Variants in CACNG3 observed in about 807,000 individuals in gnomAD.
CACNG3 encodes the protein voltage-dependent calcium channel gamma-3 subunit.
Under a neutral mutation model 28.5 loss-of-function variants are expected in CACNG3, and 3 were observed. That is an observed-to-expected ratio of 0.11 (90% CI 0.05 to 0.27). CACNG3 has a LOEUF of 0.27. Among genes scored for constraint, CACNG3 ranks in the 10% least tolerant of loss-of-function variants. The pLI, the probability that CACNG3 is intolerant of heterozygous loss-of-function variation, is 1.00. For missense variants in CACNG3, 236 were observed against 414.4 expected, an observed-to-expected ratio of 0.57 and a Z score of 3.74; for synonymous variants, 174 against 162.2, an observed-to-expected ratio of 1.07 and a Z score of -0.55.
At chr16:24,319,432 A>G (rs781022274) in intron 1 of CACNG3, among the ~76,000 whole-genome samples, 5 of 152,066 alleles carry the variant, frequency 3.3e-5, no homozygotes, top group Non-Finnish European at 7.4e-5. Flanking sequence ...TGTGTGTGTA[A>G]GGTTGCAATG....
intron 1 of CACNG3, among the ~76,000 whole-genome samples, chr16:24,291,675 C>G: frequency 6.6e-6 from 1 of 152,132 alleles, no homozygotes; most frequent in East Asian, 1.9e-4. Context: ...TCAAGACCTC[C>G]TTCCCCCACT....
At chr16:24,326,467 G>A (rs548849958) in intron 1 of CACNG3, among the ~76,000 whole-genome samples, 30 of 152,228 alleles carry the variant, frequency 2.0e-4, no homozygotes, top group African/African-American at 6.5e-4. Flanking sequence ...CACCACACCC[G>A]GCCAAAATTT....
chr16:24,354,737 T>C, intron 2 of CACNG3, 96 bp from the exon 3 acceptor site: 1 of 1,252,416 alleles, frequency 8.0e-7, no homozygotes, highest in Non-Finnish European at 1.1e-6. Context: ...GTTCTCTTCC[T>C]GTGCTGCCTT....
intron 1 of CACNG3, among the ~76,000 whole-genome samples, chr16:24,328,784 C>G (rs1339923768): frequency 6.6e-6 from 1 of 152,126 alleles, no homozygotes; most frequent in Non-Finnish European, 1.5e-5. Flanking sequence ...CTCACCAGTG[C>G]ACCCACACAG....
rs1219735535 is a variant in CACNG3 at position 24,346,756 on chromosome 16, G to A, written c.234G>A (p.Lys78=). Residue 78 remains lysine (K), a synonymous_variant, in exon 2 of 4, where the codon AAG becomes AAA. Coordinates refer to ENST00000005284, the MANE Select transcript of CACNG3 (RefSeq NM_006539.4). ...CAGGGGCTTTCCGAGGCGTGTGCAA[G>A]AAAATCGATCACTTCCCTGAAGATG... ...CLEGAFRGVC[K]KIDHFPEDAD... The A allele has an allele frequency of 3.7e-6, 6 of 1,614,116 alleles. No individual in the cohort carries two copies. The highest frequency in any genetic ancestry group is 2.2e-5 in the East Asian group (1 of 44,868).
chr16:24,291,793 G>A (rs1898971563), intron 1 of CACNG3, among the ~76,000 whole-genome samples: 1 of 152,128 alleles, frequency 6.6e-6, no homozygotes, highest in African/African-American at 2.4e-5. Context: ...GTGTATGGCT[G>A]GGATAAGGAT....
chr16:24,285,401 C>T (rs567969416), intron 1 of CACNG3, among the ~76,000 whole-genome samples: 8 of 152,288 alleles, frequency 5.3e-5, no homozygotes, highest in African/African-American at 1.4e-4. Context: ...AATAATACCC[C>T]CTACTCTATT....
At chr16:24,332,507 G>T (rs1199113247) in intron 1 of CACNG3, among the ~76,000 whole-genome samples, 1 of 151,638 alleles carries the variant, frequency 6.6e-6, no homozygotes, top group Non-Finnish European at 1.5e-5. Flanking sequence ...ATCAGGATGT[G>T]CATCAACCAC....
chr16:24,342,210 G>T (rs1279717167), intron 1 of CACNG3, among the ~76,000 whole-genome samples: 1 of 152,146 alleles, frequency 6.6e-6, no homozygotes, highest in Non-Finnish European at 1.5e-5. Context: ...GGAGGTTGCA[G>T]TAAGCTAAGA....
chr16:24,334,098 A>G (rs1438291825), intron 1 of CACNG3, among the ~76,000 whole-genome samples: 2 of 152,238 alleles, frequency 1.3e-5, no homozygotes, highest in Non-Finnish European at 2.9e-5. Context: ...CAGGAAGCAT[A>G]AACACAAATG....
Position 24,361,800 on chromosome 16 carries a change from A to G in CACNG3, c.885A>G (p.Thr295=). Residue 295 remains threonine (T), a synonymous_variant, in exon 4 of 4, where the codon ACA becomes ACG. Transcript: ENST00000005284. This position sits in a 1 kb window ranked among gnomAD's most constrained non-coding sequence, Gnocchi z 6.8. ...DHAFLQFHNS[T]PKEFKESLHN... Reference sequence around the variant, plus strand: ...CTTTTCTACAGTTCCACAATTCCACACCCAAAGAGTTCAAAGAGTCACTGC... The same window carrying G: ...CTTTTCTACAGTTCCACAATTCCACGCCCAAAGAGTTCAAAGAGTCACTGC... 6.2e-7 allele frequency: 1 copy of G among 1,613,688 alleles called. No homozygotes were observed. Among genetic ancestry groups the G allele is most frequent in the Non-Finnish European group, 8.5e-7 (1 of 1,179,952 alleles).
Position 24,256,391 on chromosome 16 carries a change from G to A in CACNG3, c.-364G>A. 3.6e-6 allele frequency: 1 copy of A among 275,566 alleles called. No homozygotes were observed. The highest frequency in any genetic ancestry group is 7.0e-6 in the Non-Finnish European group (1 of 143,600). 17.1% of individuals were successfully genotyped at this position (275,566 alleles called of 1,614,324 possible). A position where few individuals can be genotyped will look rare whatever the true frequency, so the allele number is the denominator to read the frequency against. ...TGCCTTGAGTCTCCCGGGGCTGTGA[G>A]AAGCCAGGCGCATCTCAAACCGAGC... On this transcript the variant is annotated 5_prime_UTR_variant, in exon 1 of 4. Transcript: ENST00000005284. This position sits in a 1 kb window ranked among gnomAD's most constrained non-coding sequence, Gnocchi z 4.6.
At chr16:24,309,177 A>G (rs778493141) in intron 1 of CACNG3, among the ~76,000 whole-genome samples, 77 of 152,378 alleles carry the variant, frequency 5.1e-4, no homozygotes, top group Non-Finnish European at 9.0e-4. Context: ...ACAAAGAGAT[A>G]AGGACTAATA....
At chr16:24,295,139 C>T (rs1225896581) in intron 1 of CACNG3, among the ~76,000 whole-genome samples, 1 of 152,176 alleles carries the variant, frequency 6.6e-6, no homozygotes, top group Admixed American at 6.5e-5. Context: ...CAATTTCTCC[C>T]ACCTTGGGTC....
intron 1 of CACNG3, among the ~76,000 whole-genome samples, chr16:24,311,646 A>G (rs1899265796): frequency 6.6e-6 from 1 of 152,078 alleles, no homozygotes; most frequent in South Asian, 2.1e-4. Context: ...ATCTGAGGTC[A>G]GGAGTTCAAG....
At chr16:24,271,142 G>A (rs559934141) in intron 1 of CACNG3, among the ~76,000 whole-genome samples, 11 of 152,296 alleles carry the variant, frequency 7.2e-5, no homozygotes, top group African/African-American at 2.6e-4. Context: ...ATTCACCATG[G>A]CTGAGTCTTC....
chr16:24,288,915 G>A (rs573973704), intron 1 of CACNG3, among the ~76,000 whole-genome samples: 2 of 152,156 alleles, frequency 1.3e-5, no homozygotes, highest in East Asian at 3.9e-4. Flanking sequence ...TAATTAGTGA[G>A]AACTGATCTC....
At chr16:24,356,777 T>C (rs1900038240) in intron 3 of CACNG3, among the ~76,000 whole-genome samples, 1 of 152,100 alleles carries the variant, frequency 6.6e-6, no homozygotes, top group Non-Finnish European at 1.5e-5. Context: ...TAGTTTGTTC[T>C]CACACTGCTA....
At chr16:24,285,845 C>CTTTTTTTTTTTT (rs11406086) in intron 1 of CACNG3, among the ~76,000 whole-genome samples, 1 of 131,636 alleles carries the variant, frequency 7.6e-6, no homozygotes, top group Non-Finnish European at 1.6e-5. Context: ...TCTTTCTTTT[C>CTTTTTTTTTTTT]TTTTTTTTTT....
Sources: gnomAD v4.1 joint callset for allele counts (sites outside exome capture counted in the v4.1 genomes callset) on GRCh38, gnomAD v4.1.1 for gene constraint, Gnocchi (gnomAD v3.1) non-coding constraint, MANE v1.5 for transcripts, NCBI Gene and HGNC (gene_info 2026-07-23, HGNC 2026-07-21) for gene names.